The following MICAL2 variants were observed in gnomAD, a reference collection of about 807,000 sequenced individuals.
The protein encoded by MICAL2 is [F-actin]-monooxygenase MICAL2.
In MICAL2, 77 loss-of-function variants were observed where a neutral mutation model predicts 127.3. The ratio of observed to expected loss-of-function variants is 0.60; its 90% CI spans 0.50 to 0.73. MICAL2 has a LOEUF of 0.73. Ranked by LOEUF, MICAL2 falls within the 30% of genes least tolerant of loss-of-function variation. The pLI is 0.00. For missense variants in MICAL2, 1,351 were observed against 1,434.4 expected (o/e 0.94, Z 0.94); for synonymous variants, 570 against 551.1 (o/e 1.03, Z -0.48).
Position 12,324,011 on chromosome 11 carries a change from G to GA in MICAL2, c.5367dup (p.Ala1790SerfsTer7). The GA allele has an allele frequency of 2.5e-6, 4 of 1,611,786 alleles. No individual in the cohort carries two copies. Among genetic ancestry groups the GA allele is most frequent in the Non-Finnish European group, 3.4e-6 (4 of 1,178,226 alleles). ...GACACTTAGAAGAAGAAAGAAGCTAGAAAAAGCAATGAAGCAGTTGGTTAA... is the reference window on the plus strand; with the variant it reads ...GACACTTAGAAGAAGAAAGAAGCTAGAAAAAAGCAATGAAGCAGTTGGTTAA... On this transcript the variant is annotated frameshift_variant, in exon 31 of 35. Transcript: ENST00000646065. LOFTEE classifies it high-confidence loss of function.
chr11:12,165,173 G>T (rs11607039), intron 3 of MICAL2, among the ~76,000 whole-genome samples: 25,275 of 60,696 alleles, frequency 0.42, 2,322 homozygotes, highest in Non-Finnish European at 0.53. Context: ...AAGAAAGAAA[G>T]AAATAAAAAA....
At chr11:12,151,428 A>G (rs1013703720) in intron 2 of MICAL2, among the ~76,000 whole-genome samples, 7 of 152,278 alleles carry the variant, frequency 4.6e-5, no homozygotes, top group African/African-American at 1.7e-4. Flanking sequence ...ATGCCTTCTG[A>G]TCCAGGCCAA....
exon 32 of MICAL2, chr11:12,327,208 G>A: frequency 6.4e-7 from 1 of 1,551,706 alleles, no homozygotes. Flanking sequence ...TGGAGGAGCG[G>A]CAGAGGGCTT....
At chr11:12,261,235 A>G in intron 26 of MICAL2, 1 of 985,514 alleles carries the variant, frequency 1.0e-6, no homozygotes, top group Non-Finnish European at 1.2e-6. Flanking sequence ...CTCCGCTGCC[A>G]CACATATGTG....
rs1035403151 is a variant in MICAL2 at position 12,260,185 on chromosome 11, C to T, written c.3334+288C>T. ...CAAGCTCCGCTGACATGGCTGGCTG[C>T]CCCAAAGTGCCTTCACATTTCCAGG... On this transcript the variant is annotated intron_variant, in intron 26 of 27. Coordinates refer to ENST00000683283, the MANE Select transcript of MICAL2 (RefSeq NM_001282663.2). The T allele has an allele frequency of 1.5e-5, 23 of 1,485,376 alleles. No individual in the cohort carries two copies. The Admixed American group carries it at 3.3e-4, about 22-fold the overall frequency. 92.0% of individuals were successfully genotyped at this position (1,485,376 alleles called of 1,614,324 possible).
intron 3 of MICAL2, among the ~76,000 whole-genome samples, chr11:12,181,092 T>C (rs1188766696): frequency 6.6e-6 from 1 of 152,030 alleles, no homozygotes; most frequent in Non-Finnish European, 1.5e-5. Context: ...TATAGGCACC[T>C]GCCACCATGC....
chr11:12,207,717 T>G (rs1211347281), intron 4 of MICAL2: 1 of 240,718 alleles, frequency 4.2e-6, no homozygotes, highest in Non-Finnish European at 8.0e-6. Context: ...GAACAGGGTC[T>G]AGAAATCAGA....
At chr11:12,126,602 A>G (rs1346861910) in intron 1 of MICAL2, among the ~76,000 whole-genome samples, 1 of 151,670 alleles carries the variant, frequency 6.6e-6, no homozygotes, top group Admixed American at 6.6e-5. Context: ...AACACCTACT[A>G]TGTGCCCTAG....
intron 32 of MICAL2, among the ~76,000 whole-genome samples, chr11:12,336,841 T>C (rs960378910): frequency 2.6e-5 from 4 of 152,088 alleles, no homozygotes; most frequent in African/African-American, 9.7e-5. Flanking sequence ...GCTGTGCTGC[T>C]GGATTCAGTT....
intron 12 of MICAL2, among the ~76,000 whole-genome samples, chr11:12,223,902 C>T (rs949884639): frequency 6.6e-6 from 1 of 152,174 alleles, no homozygotes; most frequent in African/African-American, 2.4e-5. Context: ...GGACACAGGA[C>T]CAGTGCTCAA....
intron 13 of MICAL2, among the ~76,000 whole-genome samples, 199 bp downstream of exon 13, chr11:12,225,019 T>C (rs149276655): frequency 6.6e-6 from 1 of 152,308 alleles, no homozygotes; most frequent in Non-Finnish European, 1.5e-5. Context: ...TATGTGAGGA[T>C]AAAAATTGGC....
intron 15 of MICAL2, among the ~76,000 whole-genome samples, chr11:12,228,414 C>G (rs1233691000): frequency 1.3e-5 from 2 of 152,144 alleles, no homozygotes; most frequent in African/African-American, 2.4e-5. Context: ...ATTACTTTGC[C>G]CCTACCCCAT....
At chr11:12,181,376 G>A (rs1053792156) in intron 3 of MICAL2, among the ~76,000 whole-genome samples, 3 of 152,172 alleles carry the variant, frequency 2.0e-5, no homozygotes, top group Non-Finnish European at 2.9e-5. Flanking sequence ...TTAAAGTCCT[G>A]GTACTATGAA....
Position 12,261,643 on chromosome 11 carries a change from G to A in MICAL2, c.3335-837G>A, listed in dbSNP as rs144409306. On this transcript the variant is annotated intron_variant, in intron 26 of 27. Transcript: ENST00000683283. ...AGGTGTGCCTGGGTGTGGGTGAGGA[G>A]TCAGAACCTTTGAGAGCTTTGAGAT... 6.1e-6 allele frequency: 6 copies of A among 985,462 alleles called. No individual in the cohort carries two copies. The African/African-American group carries it at 1.0e-4, about 17-fold the overall frequency. 61.0% of individuals were successfully genotyped at this position (985,462 alleles called of 1,614,324 possible).
At chr11:12,209,647 A>T (rs377758466) in intron 6 of MICAL2, 49 bp downstream of exon 6, 7 of 1,503,938 alleles carry the variant, frequency 4.7e-6, no homozygotes, top group African/African-American at 2.8e-5. Flanking sequence ...GGAATGGGAG[A>T]GGGTACATTG....
chr11:12,190,820 G>T (rs1858996300), intron 3 of MICAL2, among the ~76,000 whole-genome samples: 1 of 152,176 alleles, frequency 6.6e-6, no homozygotes, highest in African/African-American at 2.4e-5. Flanking sequence ...TTAAGTAGCA[G>T]GACTTCAACT....
intron 32 of MICAL2, among the ~76,000 whole-genome samples, chr11:12,335,741 T>C (rs1257634274): frequency 6.6e-6 from 1 of 152,250 alleles, no homozygotes; most frequent in Non-Finnish European, 1.5e-5. Context: ...TTTTGTCAAG[T>C]TTGTCAAAGA....
At chr11:12,210,008 A>G (rs1283991688) in intron 6 of MICAL2, among the ~76,000 whole-genome samples, 1 of 152,206 alleles carries the variant, frequency 6.6e-6, no homozygotes, top group East Asian at 1.9e-4. Context: ...CAGCTAAGAT[A>G]AACATTTTTA....
intron 3 of MICAL2, among the ~76,000 whole-genome samples, chr11:12,173,740 TG>T (rs1240472298): frequency 2.0e-5 from 3 of 152,208 alleles, no homozygotes; most frequent in African/African-American, 7.2e-5. Flanking sequence ...CTCATCTTTT[TG>T]TTTGTGTAAA....
Sources: gnomAD v4.1 joint callset for allele counts (sites outside exome capture counted in the v4.1 genomes callset) on GRCh38, gnomAD v4.1.1 for gene constraint, MANE v1.5 for transcripts, NCBI Gene and HGNC (gene_info 2026-07-23, HGNC 2026-07-21) for gene names.